The following FOCAD variants were observed in gnomAD, a reference collection of about 807,000 sequenced individuals.
FOCAD encodes the protein focadhesin, also known as KIAA1797.
FOCAD carries 198 observed loss-of-function variants against 225.6 expected under a neutral mutation model. That is an observed-to-expected ratio of 0.88 (90% CI 0.78 to 0.99). FOCAD has a LOEUF of 0.99. Among genes scored for constraint, FOCAD ranks in the 50% least tolerant of loss-of-function variants. FOCAD has a pLI of 0.00. For missense variants in FOCAD, 2,713 were observed against 2,123.6 expected, an observed-to-expected ratio of 1.28 and a Z score of -5.46; for synonymous variants, 897 against 755.0, an observed-to-expected ratio of 1.19 and a Z score of -3.08.
intron 4 of FOCAD, among the ~76,000 whole-genome samples, chr9:20,721,506 A>G: frequency 6.6e-6 from 1 of 152,114 alleles, no homozygotes; most frequent in Non-Finnish European, 1.5e-5. Context: ...GTTCGAGACC[A>G]GCCTGGCCAA....
chr9:20,755,105 C>T (rs1828931572), intron 5 of FOCAD, among the ~76,000 whole-genome samples: 1 of 152,128 alleles, frequency 6.6e-6, no homozygotes. Context: ...TCAGTGTTCT[C>T]CTCTTATACT....
At chr9:20,844,740 T>G (rs1272194511) in intron 15 of FOCAD, among the ~76,000 whole-genome samples, 1 of 152,090 alleles carries the variant, frequency 6.6e-6, no homozygotes, top group East Asian at 1.9e-4. Context: ...TCACTTTGGG[T>G]ATTTAGAGGA....
At chr9:20,676,084 A>T (rs142456222) in intron 2 of FOCAD, among the ~76,000 whole-genome samples, 31 of 152,352 alleles carry the variant, frequency 2.0e-4, no homozygotes, top group African/African-American at 7.2e-4. Context: ...GAAAAAGCTT[A>T]GTTGGACAAA....
At chr9:20,880,012 C>T (rs565043552) in intron 19 of FOCAD, among the ~76,000 whole-genome samples, 1 of 152,274 alleles carries the variant, frequency 6.6e-6, no homozygotes, top group East Asian at 1.9e-4. Flanking sequence ...TTCATAGCTG[C>T]ATTCTGTAAA....
At chr9:20,719,777 GCT>G (rs1491402974) in intron 3 of FOCAD, among the ~76,000 whole-genome samples, 1 of 91,206 alleles carries the variant, frequency 1.1e-5, no homozygotes, top group Non-Finnish European at 2.4e-5. Flanking sequence ...GTTTTCCTAG[GCT>G]TTTTTTTTTT....
At chr9:20,785,218 C>G (rs1048050695) in intron 10 of FOCAD, among the ~76,000 whole-genome samples, 4 of 152,234 alleles carry the variant, frequency 2.6e-5, no homozygotes, top group African/African-American at 9.6e-5. Flanking sequence ...GAACCCAATT[C>G]TTTTTTAATA....
chr9:20,886,596 T>C (rs1310072303), intron 21 of FOCAD, among the ~76,000 whole-genome samples: 1 of 152,190 alleles, frequency 6.6e-6, no homozygotes. Flanking sequence ...AGAAAATCTT[T>C]GGGTTAAGAT....
At chr9:20,745,844 T>C (rs1827997106) in intron 5 of FOCAD, among the ~76,000 whole-genome samples, 1 of 152,208 alleles carries the variant, frequency 6.6e-6, no homozygotes, top group Non-Finnish European at 1.5e-5. Flanking sequence ...TGCTCGGAAG[T>C]GGACAATTAG....
chr9:20,939,554 G>T (rs1328019377), intron 28 of FOCAD, among the ~76,000 whole-genome samples: 3 of 152,110 alleles, frequency 2.0e-5, no homozygotes, highest in Non-Finnish European at 4.4e-5. Flanking sequence ...GTACCATGGG[G>T]ATGAATTACC....
At chr9:20,794,785 C>T (rs576129345) in intron 11 of FOCAD, among the ~76,000 whole-genome samples, 56 of 152,208 alleles carry the variant, frequency 3.7e-4, no homozygotes, top group Non-Finnish European at 6.0e-4. Flanking sequence ...GGATTATCTT[C>T]CAGTTTCTTG....
At chr9:20,760,130 C>T (rs2130912136) in intron 6 of FOCAD, among the ~76,000 whole-genome samples, 1 of 152,274 alleles carries the variant, frequency 6.6e-6, no homozygotes, top group Non-Finnish European at 1.5e-5. Context: ...AGTCTCTAAA[C>T]ATCCCTCAGA....
At chr9:20,751,636 A>G (rs1194512143) in intron 5 of FOCAD, among the ~76,000 whole-genome samples, 1 of 144,974 alleles carries the variant, frequency 6.9e-6, no homozygotes, top group African/African-American at 2.5e-5. Flanking sequence ...CTGTGTCTTT[A>G]TAGCAGCATG....
chr9:20,995,517 CTTTTCAAATGCAGCCATACCTATATTTTG>C lies in FOCAD; in HGVS notation c.5333-37_5333-9del. 1 of 1,552,858 alleles carries C rather than the reference CTTTTCAAATGCAGCCATACCTATATTTTG, an allele frequency of 6.4e-7. No individual in the cohort carries two copies. The highest frequency in any genetic ancestry group is 8.9e-7 in the Non-Finnish European group (1 of 1,126,338). On this transcript the variant is annotated splice_polypyrimidine_tract_variant and intron_variant, in intron 43 of 43. Coordinates refer to ENST00000338382, the MANE Select transcript of FOCAD (RefSeq NM_001375567.1). ...CTGACACCTTTTTGATCAAAATGACCTTTTCAAATGCAGCCATACCTATATTTTGTCCCCTTAGCCACCCTGCTGTCCTT... is the reference window on the plus strand; with the variant it reads ...CTGACACCTTTTTGATCAAAATGACCTCCCCTTAGCCACCCTGCTGTCCTT...
At chr9:20,743,623 A>C (rs989525594) in intron 5 of FOCAD, among the ~76,000 whole-genome samples, 3 of 152,196 alleles carry the variant, frequency 2.0e-5, no homozygotes, top group African/African-American at 4.8e-5. Flanking sequence ...AGTGGTTCTC[A>C]AACTTGTCTT....
At chr9:20,673,092 G>A (rs1822124310) in intron 2 of FOCAD, among the ~76,000 whole-genome samples, 1 of 152,188 alleles carries the variant, frequency 6.6e-6, no homozygotes, top group South Asian at 2.1e-4. Context: ...CTCCAGAATG[G>A]TAGGGGGATA....
Position 20,761,709 on chromosome 9 carries a change from C to T in FOCAD, c.495-3160C>T, listed in dbSNP as rs1284555382. Among the ~76,000 whole-genome samples, 12 of 152,220 alleles carry T rather than the reference C, an allele frequency of 7.9e-5. 1 individual carries two copies. The South Asian group carries it at 2.3e-3, about 29-fold the overall frequency. ...TGCTGGGATTACAGGTGTGAGCCAC[C>T]GTGCCTGGCCCAAGCCTCCATTTTT... On this transcript the variant is annotated intron_variant, in intron 6 of 43. Coordinates refer to ENST00000338382, the MANE Select transcript of FOCAD (RefSeq NM_001375567.1).
intron 1 of FOCAD, among the ~76,000 whole-genome samples, chr9:20,690,540 T>C (rs1400972521): frequency 6.6e-6 from 1 of 152,158 alleles, no homozygotes; most frequent in Non-Finnish European, 1.5e-5. Flanking sequence ...AAGTTACTTT[T>C]CTAAAAGTGA....
chr9:20,798,081 C>CT (rs1490085001), intron 11 of FOCAD, among the ~76,000 whole-genome samples: 1 of 152,002 alleles, frequency 6.6e-6, no homozygotes, highest in African/African-American at 2.4e-5. Flanking sequence ...TGTCAAAGGC[C>CT]TTTTCTGCAT....
At chr9:20,973,358 T>C (rs1359620500) in intron 35 of FOCAD, among the ~76,000 whole-genome samples, 1 of 152,068 alleles carries the variant, frequency 6.6e-6, no homozygotes, top group African/African-American at 2.4e-5. Context: ...CTGCTTCTCC[T>C]TTTTCCCATG....
Sources: gnomAD v4.1 joint callset for allele counts (sites outside exome capture counted in the v4.1 genomes callset) on GRCh38, gnomAD v4.1.1 for gene constraint, MANE v1.5 for transcripts, NCBI Gene and HGNC (gene_info 2026-07-23, HGNC 2026-07-21) for gene names.